MTREX: variants seen among roughly 807,000 people sequenced by gnomAD.
MTREX encodes Mtr4 exosome RNA helicase, also known as exosome RNA helicase MTR4.
Under a neutral mutation model 135.4 loss-of-function variants are expected in MTREX, and 76 were observed. That is an observed-to-expected ratio of 0.56 (90% CI 0.47 to 0.68). MTREX has a LOEUF of 0.68. MTREX is among the 30% of genes least tolerant of loss of function. The pLI is 0.00. For missense variants in MTREX, 920 were observed against 1,262.1 expected (o/e 0.73, Z 4.11); for synonymous variants, 404 against 401.6 (o/e 1.01, Z -0.07).
Position 55,344,584 on chromosome 5 carries a change from AG to A in MTREX, c.974del (p.Gly325GlufsTer54). On this transcript the variant is annotated frameshift_variant, in exon 9 of 27. Transcript: ENST00000230640. LOFTEE classifies it high-confidence loss of function. ...TPLQHYIFPA[G>X]GDGLHLVVDE... ...CATTGCAACACTACATTTTTCCAGC[AG>A]GGGGAGATGGCCTGCATCTTGTGGT... is the stretch of plus-strand genomic sequence containing the variant. 1 of 1,611,550 alleles carries A rather than the reference AG, an allele frequency of 6.2e-7. No individual in the cohort carries two copies.
intron 21 of MTREX, 150 bp downstream of exon 21, chr5:55,400,571 A>C: frequency 1.9e-6 from 1 of 528,068 alleles, no homozygotes; most frequent in Admixed American, 3.3e-5. Flanking sequence ...TGAACCTGTC[A>C]GCTCTCATCA....
At chr5:55,309,313 G>T (rs1311309784) in intron 1 of MTREX, among the ~76,000 whole-genome samples, 1 of 152,164 alleles carries the variant, frequency 6.6e-6, no homozygotes, top group Non-Finnish European at 1.5e-5. Context: ...GTTGAACAAG[G>T]TGATTGGATA....
At chr5:55,398,720 ATT>A (rs1198780816) in intron 20 of MTREX, among the ~76,000 whole-genome samples, 1 of 151,952 alleles carries the variant, frequency 6.6e-6, no homozygotes, top group East Asian at 1.9e-4. Flanking sequence ...ATTGAAATTA[ATT>A]TTTCTTTGTC....
chr5:55,365,286 C>T (rs1247242477), intron 15 of MTREX, among the ~76,000 whole-genome samples: 1 of 152,100 alleles, frequency 6.6e-6, no homozygotes, highest in Non-Finnish European at 1.5e-5. Flanking sequence ...ATCTAGTTTT[C>T]CTACTAACTT....
chr5:55,362,199 C>G (rs567673143), intron 15 of MTREX, among the ~76,000 whole-genome samples: 2 of 150,814 alleles, frequency 1.3e-5, no homozygotes, highest in Admixed American at 1.3e-4. Flanking sequence ...TCCCAGAGTG[C>G]TGGGATTACA....
chr5:55,365,850 G>T (rs972277227), intron 15 of MTREX, among the ~76,000 whole-genome samples: 2 of 152,048 alleles, frequency 1.3e-5, no homozygotes, highest in Non-Finnish European at 2.9e-5. Context: ...AATTAGCTGG[G>T]CCTGGTGGCA....
intron 19 of MTREX, among the ~76,000 whole-genome samples, chr5:55,395,313 G>A (rs1021732722): frequency 6.6e-6 from 1 of 152,016 alleles, no homozygotes; most frequent in Non-Finnish European, 1.5e-5. Flanking sequence ...GGCTGAGGCA[G>A]AAAAATTGCT....
At position 55,347,143 on chromosome 5, in the gene MTREX, A is replaced by G. The variant is rs1561193246; in HGVS notation, c.1239A>G (p.Thr413=). Residue 413 remains threonine (T), a splice_region_variant and synonymous_variant, in exon 11 of 27, where the codon ACA becomes ACG. Coordinates refer to ENST00000230640, the MANE Select transcript of MTREX (RefSeq NM_015360.5). The part of the protein sequence containing the change: ...ALQMTKLDFN[T]DEEKKMVEEV... Reference sequence around the variant, plus strand: ...AAATGACCAAATTAGATTTCAACACAGGTACTACATCATTTCAGTATCATT... The same window carrying G: ...AAATGACCAAATTAGATTTCAACACGGGTACTACATCATTTCAGTATCATT... 6.3e-7 allele frequency: 1 copy of G among 1,597,644 alleles called. No homozygotes were observed. The highest frequency in any genetic ancestry group is 8.5e-7 in the Non-Finnish European group (1 of 1,172,632).
chr5:55,425,264 G>C lies in MTREX; in HGVS notation c.*492G>C. 6.2e-7 allele frequency: 1 copy of C among 1,613,292 alleles called. No homozygotes were observed. The highest frequency in any genetic ancestry group is 8.5e-7 in the Non-Finnish European group (1 of 1,179,378). On this transcript the variant is annotated 3_prime_UTR_variant, in exon 27 of 27. Coordinates refer to ENST00000230640, the MANE Select transcript of MTREX (RefSeq NM_015360.5). ...AGTTGTTGGTGTTTCATGCAGAGTT[G>C]TATGAGAGTCCTCCTCTTTTCTTTC...
rs1482323167 is a variant in MTREX at position 55,417,297 on chromosome 5, G to A, written c.2971+1165G>A. On this transcript the variant is annotated intron_variant, in intron 25 of 26. Coordinates refer to ENST00000230640, the MANE Select transcript of MTREX (RefSeq NM_015360.5). The stretch of plus-strand genomic sequence containing the variant: ...GCTAAGAGCTCTGTATAATTTACAT[G>A]TAATCACCAAATAGCAATTCAGGGT... Among the ~76,000 whole-genome samples, 9 of 152,230 alleles carry A rather than the reference G, an allele frequency of 5.9e-5. No individual in the cohort carries two copies. The East Asian group carries it at 1.7e-3, about 29-fold the overall frequency.
intron 23 of MTREX, among the ~76,000 whole-genome samples, chr5:55,411,364 T>G (rs1750882184): frequency 6.6e-6 from 1 of 152,206 alleles, no homozygotes; most frequent in Non-Finnish European, 1.5e-5. Flanking sequence ...AATTTAATAT[T>G]CTAAATTTTT....
At chr5:55,410,497 T>TTTTAAA (rs139320115) in intron 22 of MTREX, 27 bp from the exon 23 acceptor site, 1,223,532 of 1,368,746 alleles carry the variant, frequency 0.89, 548,929 homozygotes, top group Admixed American at 0.93. Context: ...TATTCTGACA[T>TTTTAAA]TTTATTCTTT....
At position 55,358,682 on chromosome 5, in the gene MTREX, G is replaced by C; in HGVS notation, c.1643G>C (p.Gly548Ala). Residue 548 changes from glycine (G) to alanine (A), a missense_variant, in exon 15 of 27, where the codon GGA becomes GCA. Physicochemically the swap from Gly to Ala is moderately conservative, Grantham distance 60. Around this residue, in one of 6 missense-constraint regions of MTREX, gnomAD observed 467 missense variants for 589.7 expected, o/e 0.79. Transcript: ENST00000230640. ...MVDEKMSPTI[G>A]KQLLKGSADP... ...GATGAAAAGATGAGCCCAACAATTGGAAAACAATTACTTAAGGTAACTACA... is the reference window on the plus strand; with the variant it reads ...GATGAAAAGATGAGCCCAACAATTGCAAAACAATTACTTAAGGTAACTACA... 6.3e-7 allele frequency: 1 copy of C among 1,596,004 alleles called. No individual in the cohort carries two copies. Among genetic ancestry groups the C allele is most frequent in the Non-Finnish European group, 8.5e-7 (1 of 1,175,214 alleles).
intron 16 of MTREX, among the ~76,000 whole-genome samples, chr5:55,375,953 C>T (rs1467859710): frequency 6.6e-6 from 1 of 152,142 alleles, no homozygotes; most frequent in Non-Finnish European, 1.5e-5. Flanking sequence ...GCGATGAAGC[C>T]TTGTTCGTTC....
intron 11 of MTREX, among the ~76,000 whole-genome samples, chr5:55,349,253 C>A (rs926337215): frequency 6.7e-6 from 1 of 148,790 alleles, no homozygotes; most frequent in East Asian, 2.0e-4. Flanking sequence ...GTGGTGCGAT[C>A]ATGGCTCACT....
intron 16 of MTREX, among the ~76,000 whole-genome samples, chr5:55,374,640 G>T (rs1039345328): frequency 4.6e-4 from 70 of 152,040 alleles, no homozygotes; most frequent in African/African-American, 1.6e-3. Flanking sequence ...GAACAACTTT[G>T]TTTCCTTCTT....
At chr5:55,368,648 G>A (rs972887516) in intron 16 of MTREX, among the ~76,000 whole-genome samples, 2 of 152,126 alleles carry the variant, frequency 1.3e-5, no homozygotes, top group Non-Finnish European at 2.9e-5. Context: ...CTGGAGTGCA[G>A]TGGTACGATC....
intron 15 of MTREX, 45 bp from the exon 16 acceptor site, chr5:55,366,680 A>G (rs1750110151): frequency 1.4e-6 from 2 of 1,451,436 alleles, no homozygotes; most frequent in African/African-American, 1.4e-5. Flanking sequence ...ACTTGTGTAA[A>G]TTTATTTGGA....
At chr5:55,332,588 G>A (rs917963498) in intron 5 of MTREX, among the ~76,000 whole-genome samples, 3 of 152,172 alleles carry the variant, frequency 2.0e-5, no homozygotes, top group African/African-American at 7.2e-5. Context: ...CAAGAACATG[G>A]CACAGGCCTC....
Sources: gnomAD v4.1 joint callset for allele counts (sites outside exome capture counted in the v4.1 genomes callset) on GRCh38, gnomAD v4.1.1 for gene constraint, gnomAD v4.1.1 regional missense constraint, MANE v1.5 for transcripts, NCBI Gene and HGNC (gene_info 2026-07-23, HGNC 2026-07-21) for gene names.